The following IGF2R variants were observed in gnomAD, a reference collection of about 807,000 sequenced individuals.
The protein encoded by IGF2R is cation-independent mannose-6-phosphate receptor.
IGF2R carries 91 observed loss-of-function variants against 270.6 expected under a neutral mutation model. The ratio of observed to expected loss-of-function variants is 0.34; its 90% CI spans 0.28 to 0.40. IGF2R has a LOEUF of 0.40. Ranked by LOEUF, IGF2R falls within the 10% of genes least tolerant of loss-of-function variation. IGF2R has a pLI of 1.00. For missense variants in IGF2R, 2,805 were observed against 3,188.3 expected, an observed-to-expected ratio of 0.88 and a Z score of 2.90; for synonymous variants, 1,316 against 1,258.9, an observed-to-expected ratio of 1.05 and a Z score of -0.96.
chr6:160,084,090 T>C lies in IGF2R; in HGVS notation c.5974T>C (p.Leu1992=). 6.2e-7 allele frequency: 1 copy of C among 1,614,076 alleles called. No individual in the cohort carries two copies. Among genetic ancestry groups the C allele is most frequent in the Non-Finnish European group, 8.5e-7 (1 of 1,179,994 alleles). ...KTKVVCPPKK[L]ECKFVQKHKT... is the part of the protein sequence containing the mutation. Reference sequence around the variant, plus strand: ...AAAAGTTGTCTGCCCTCCAAAGAAGTTGGAGTGCAAATTCGTCCAGAAACA... The same window carrying C: ...AAAAGTTGTCTGCCCTCCAAAGAAGCTGGAGTGCAAATTCGTCCAGAAACA... The change falls in exon 40 of 48, where the codon TTG becomes CTG. Residue 1992 remains leucine (L), a synonymous_variant. Coordinates refer to ENST00000356956, the MANE Select transcript of IGF2R (RefSeq NM_000876.4). This position sits in a 1 kb window ranked among gnomAD's most constrained non-coding sequence, Gnocchi z 4.6.
In IGF2R at chr6:160,034,521, A is replaced by G; in HGVS notation, c.1314A>G (p.Ala438=). 6.3e-7 allele frequency: 1 copy of G among 1,599,130 alleles called. No homozygotes were observed. Among genetic ancestry groups the G allele is most frequent in the Non-Finnish European group, 8.6e-7 (1 of 1,166,500 alleles). ...SVINFECNKT[A]GNDGKGTPVF... is the part of the protein sequence containing the mutation. The stretch of plus-strand genomic sequence containing the variant: ...TAAACTTTGAGTGCAATAAAACCGC[A>G]GGTAAGTGTGCGCTGGAGTTCAGCC... The change falls in exon 10 of 48, where the codon GCA becomes GCG. Residue 438 remains alanine (A), a splice_region_variant and synonymous_variant. Transcript: ENST00000356956.
rs1336004363 is a variant in IGF2R at position 160,056,439 on chromosome 6, T to C, written c.2710T>C (p.Phe904Leu). The change falls in exon 20 of 48, where the codon TTT becomes CTT. Residue 904 changes from phenylalanine to leucine, a missense_variant. Physicochemically the swap from Phe to Leu is conservative, Grantham distance 22. Around this residue, in one of 2 missense-constraint regions of IGF2R, gnomAD observed 1,851 missense variants for 2,207.2 expected, o/e 0.84. Transcript: ENST00000356956. Reference sequence around the variant, plus strand: ...GCCCATTCAGAACAGCCACCCCATCTTTTCTCTCAACTGGGAGTGTGTGGT... The same window carrying C: ...GCCCATTCAGAACAGCCACCCCATCCTTTCTCTCAACTGGGAGTGTGTGGT... ...SRGRLNSHPI[F>L]SLNWECVVSF... 3.7e-6 allele frequency: 6 copies of C among 1,613,648 alleles called. No homozygotes were observed. The highest frequency in any genetic ancestry group is 5.1e-6 in the Non-Finnish European group (6 of 1,179,644).
intron 29 of IGF2R, among the ~76,000 whole-genome samples, chr6:160,065,814 G>GTGTGTGTGTATATATATATA: frequency 2.1e-3 from 165 of 78,192 alleles, no homozygotes; most frequent in African/African-American, 2.6e-3. Context: ...GTGTGTGTGT[G>GTGTGTGTGTATATATATATA]TATATATATA....
chr6:160,065,814 G>GTGTGTGTA, intron 29 of IGF2R, among the ~76,000 whole-genome samples: 45 of 78,384 alleles, frequency 5.7e-4, no homozygotes, highest in African/African-American at 1.5e-3. Flanking sequence ...GTGTGTGTGT[G>GTGTGTGTA]TATATATATA....
At chr6:160,055,261 G>A (rs1257094364) in intron 19 of IGF2R, among the ~76,000 whole-genome samples, 1 of 152,176 alleles carries the variant, frequency 6.6e-6, no homozygotes, top group African/African-American at 2.4e-5. Flanking sequence ...CCTGTGGACT[G>A]CCCCCTCCTT....
At chr6:160,078,812 G>T (rs1266449219) in intron 37 of IGF2R, among the ~76,000 whole-genome samples, 4 of 152,200 alleles carry the variant, frequency 2.6e-5, no homozygotes, top group African/African-American at 9.7e-5. Flanking sequence ...TGGGAAGAGG[G>T]AGGTAGGAGG....
At chr6:160,094,138 G>A in intron 44 of IGF2R, 2 of 422,522 alleles carry the variant, frequency 4.7e-6, no homozygotes, top group South Asian at 3.9e-5. Context: ...CCCCAAATAT[G>A]TTCTGTCAAC....
rs1778167169 is a variant in IGF2R, at chr6:160,050,400, A to G, written c.2515-73A>G. 1.4e-6 allele frequency: 2 copies of G among 1,418,780 alleles called. No homozygotes were observed. Among genetic ancestry groups the G allele is most frequent in the East Asian group, 2.3e-5 (1 of 43,230 alleles). The allele number at this position is 1,418,780 out of a possible 1,614,324, so 87.9% of individuals were successfully genotyped here. A position where few individuals can be genotyped will look rare whatever the true frequency, so the allele number is the denominator to read the frequency against. ...TCATTGTTTGCTGCAGCTTTATAGA[A>G]TGTAACCACCACCAATAACGAATCG... On this transcript the variant is annotated intron_variant, in intron 18 of 47. Transcript: ENST00000356956. The surrounding 1 kb of genome is among the most constrained non-coding windows in gnomAD (Gnocchi z 4.0).
In IGF2R at chr6:160,048,433, G is replaced by A; in HGVS notation, c.2404G>A (p.Glu802Lys). Residue 802 changes from glutamate (E) to lysine (K), a missense_variant, in exon 18 of 48, where the codon GAA (glutamate) becomes AAA (lysine). This residue lies in a region of IGF2R where 1,851 missense variants were observed against 2,207.2 expected (regional missense o/e 0.84). Transcript: ENST00000356956. The stretch of plus-strand genomic sequence containing the variant: ...CTGGTATGCCATGGACAACTCAGGG[G>A]AACATGTCACGTGGAGGAAATACTA... ...GNWYAMDNSG[E>K]HVTWRKYYIN... 9 of 1,614,224 alleles carry A rather than the reference G, an allele frequency of 5.6e-6. No individual in the cohort carries two copies. The highest frequency in any genetic ancestry group is 2.2e-5 in the East Asian group (1 of 44,894).
At chr6:160,098,774 G>A (rs1444095219) in intron 45 of IGF2R, among the ~76,000 whole-genome samples, 1 of 152,162 alleles carries the variant, frequency 6.6e-6, no homozygotes, top group African/African-American at 2.4e-5. Flanking sequence ...AGCCGAGATG[G>A]CGTCACTGTA....
At chr6:160,036,221 C>T (rs1026996825) in intron 10 of IGF2R, among the ~76,000 whole-genome samples, 1 of 152,116 alleles carries the variant, frequency 6.6e-6, no homozygotes, top group African/African-American at 2.4e-5. Flanking sequence ...GGATGGACCT[C>T]GCATCTGGTC....
In IGF2R at chr6:160,014,215, A is replaced by C. The variant is rs559684839; in HGVS notation, c.513+3430A>C. 2.6e-5 allele frequency among the ~76,000 whole-genome samples: 4 copies of C among 152,342 alleles called. No homozygotes were observed. In the East Asian group the frequency reaches 7.7e-4, roughly 29 times the overall value. On this transcript the variant is annotated intron_variant, in intron 4 of 47. Transcript: ENST00000356956. ...CCCTTGGGAACAGGCAAAATTCAGA[A>C]CTGGCCTGCTAGCAGTCTTACCAGG...
intron 11 of IGF2R, 148 bp from the exon 12 acceptor site, chr6:160,043,000 C>T: frequency 1.3e-6 from 1 of 756,252 alleles, no homozygotes; most frequent in Non-Finnish European, 2.1e-6. Flanking sequence ...TTTCAGTCTG[C>T]CCGGGTTCCA....
intron 4 of IGF2R, among the ~76,000 whole-genome samples, chr6:160,016,345 A>G (rs1347274623): frequency 6.6e-6 from 1 of 152,186 alleles, no homozygotes; most frequent in East Asian, 1.9e-4. Context: ...CAGCTGTTGG[A>G]GAGCCTGAAT....
chr6:159,972,430 T>C (rs1244988484), intron 1 of IGF2R, among the ~76,000 whole-genome samples: 1 of 152,210 alleles, frequency 6.6e-6, no homozygotes, highest in African/African-American at 2.4e-5. Flanking sequence ...TCATTATCCT[T>C]GCAAAGGTTT....
At chr6:159,975,829 A>G (rs1783686132) in intron 1 of IGF2R, among the ~76,000 whole-genome samples, 1 of 148,894 alleles carries the variant, frequency 6.7e-6, no homozygotes. Context: ...ACGCACATAT[A>G]TAAATAACAC....
At chr6:160,082,561 C>T (rs894699707) in intron 39 of IGF2R, among the ~76,000 whole-genome samples, 5 of 152,214 alleles carry the variant, frequency 3.3e-5, no homozygotes, top group Admixed American at 6.5e-5. Flanking sequence ...CCGCCCACCT[C>T]GGCCTCCCAG....
chr6:160,034,161 A>C (rs1052461468), intron 9 of IGF2R, among the ~76,000 whole-genome samples: 16 of 152,252 alleles, frequency 1.1e-4, no homozygotes, highest in Admixed American at 1.0e-3. Context: ...GAACAAGAGA[A>C]GTCTTCATGC....
intron 22 of IGF2R, among the ~76,000 whole-genome samples, chr6:160,059,920 C>T (rs190802825): frequency 1.3e-5 from 2 of 152,224 alleles, no homozygotes; most frequent in Non-Finnish European, 2.9e-5. Context: ...AATAAGCCAA[C>T]GAATTAGAGT....
Sources: allele counts gnomAD v4.1 joint callset (sites outside exome capture counted in the v4.1 genomes callset), GRCh38; gene constraint gnomAD v4.1.1; regional missense constraint gnomAD v4.1.1; non-coding constraint Gnocchi (gnomAD v3.1); transcripts MANE v1.5; gene names NCBI Gene and HGNC (gene_info 2026-07-23, HGNC 2026-07-21).